The following CTNNA3 variants were observed in gnomAD, a reference collection of about 807,000 sequenced individuals.
The protein encoded by CTNNA3 is catenin alpha-3.
Under a neutral mutation model 95.7 loss-of-function variants are expected in CTNNA3, and 76 were observed. The observed-to-expected ratio is 0.79, with a 90% CI of 0.66 to 0.96. CTNNA3 has a LOEUF of 0.96. Among genes scored for constraint, CTNNA3 ranks in the 40% least tolerant of loss-of-function variants. The pLI is 0.00. For synonymous variants in CTNNA3, 431 were observed against 374.4 expected (o/e 1.15, Z -1.74); for missense variants, 1,191 against 1,089.8 (o/e 1.09, Z -1.31).
chr10:67,588,564 G>A (rs558017426), intron 3 of CTNNA3, among the ~76,000 whole-genome samples: 222 of 152,048 alleles, frequency 1.5e-3, no homozygotes, highest in Non-Finnish European at 2.3e-3. Flanking sequence ...TGGACCTGTC[G>A]TCAGGCTTTA....
intron 14 of CTNNA3, chr10:66,079,263 T>C (rs1056158698): frequency 2.2e-4 from 34 of 151,954 alleles, no homozygotes; most frequent in African/African-American, 7.7e-4. Flanking sequence ...TCAAACAGTT[T>C]AAAAGATCCC....
At chr10:66,978,960 C>CTTT (rs34112681) in intron 7 of CTNNA3, among the ~76,000 whole-genome samples, 138 of 83,776 alleles carry the variant, frequency 1.6e-3, no homozygotes, top group African/African-American at 3.2e-3. Flanking sequence ...TACTTATTTC[C>CTTT]TTTTTTTTTT....
intron 5 of CTNNA3, among the ~76,000 whole-genome samples, chr10:67,443,911 AG>A (rs1467948470): frequency 6.6e-6 from 1 of 152,132 alleles, no homozygotes; most frequent in African/African-American, 2.4e-5. Context: ...GTTTTCTTCT[AG>A]GGTTTTTATG....
chr10:66,315,506 T>TTGTGTGTG (rs58802869), intron 12 of CTNNA3, among the ~76,000 whole-genome samples: 9 of 149,696 alleles, frequency 6.0e-5, no homozygotes, highest in African/African-American at 2.2e-4. Context: ...CTGACTTCTC[T>TTGTGTGTG]TGTGTGTGTG....
At chr10:65,986,733 A>G (rs886834023) in intron 16 of CTNNA3, among the ~76,000 whole-genome samples, 7 of 151,808 alleles carry the variant, frequency 4.6e-5, no homozygotes, top group Non-Finnish European at 8.8e-5. Context: ...ATAGAACCAC[A>G]AAAGACCCTG....
chr10:67,390,508 C>T (rs1469295751), intron 5 of CTNNA3, among the ~76,000 whole-genome samples: 2 of 151,986 alleles, frequency 1.3e-5, no homozygotes, highest in Non-Finnish European at 1.5e-5. Flanking sequence ...CCTACTGAAA[C>T]TATTCCAATC....
intron 5 of CTNNA3, among the ~76,000 whole-genome samples, chr10:67,437,039 AC>A (rs1297263919): frequency 2.6e-5 from 4 of 152,226 alleles, no homozygotes; most frequent in Non-Finnish European, 5.9e-5. Flanking sequence ...TTACAGCAGC[AC>A]AATTCACAAC....
intron 11 of CTNNA3, among the ~76,000 whole-genome samples, chr10:66,387,738 A>T (rs987946007): frequency 1.6e-4 from 24 of 152,310 alleles, no homozygotes; most frequent in Admixed American, 1.5e-3. Flanking sequence ...AATGTGGCAC[A>T]TATACACCAT....
At chr10:67,717,889 A>T (rs1841153731) in intron 1 of CTNNA3, among the ~76,000 whole-genome samples, 1 of 152,202 alleles carries the variant, frequency 6.6e-6, no homozygotes, top group South Asian at 2.1e-4. Flanking sequence ...ATAGCATTAA[A>T]TCTATAAATT....
intron 9 of CTNNA3, among the ~76,000 whole-genome samples, chr10:66,627,989 C>T (rs1021681685): frequency 4.6e-5 from 7 of 152,006 alleles, no homozygotes; most frequent in African/African-American, 1.7e-4. Flanking sequence ...TTTCAGATGC[C>T]CAGGATCCAT....
At chr10:66,948,265 G>T (rs933326869) in intron 7 of CTNNA3, among the ~76,000 whole-genome samples, 5 of 152,118 alleles carry the variant, frequency 3.3e-5, no homozygotes, top group Admixed American at 6.6e-5. Context: ...TTGAGGCATC[G>T]TATAACATAG....
intron 7 of CTNNA3, among the ~76,000 whole-genome samples, chr10:66,978,180 GATGA>G (rs1564808164): frequency 6.6e-6 from 1 of 151,914 alleles, no homozygotes; most frequent in African/African-American, 2.4e-5. Flanking sequence ...AGTTATGCAA[GATGA>G]ATAAGTTCTA....
intron 5 of CTNNA3, among the ~76,000 whole-genome samples, chr10:67,406,133 GA>G (rs1845130257): frequency 6.6e-6 from 1 of 152,152 alleles, no homozygotes; most frequent in Non-Finnish European, 1.5e-5. Context: ...GCCACCTTGT[GA>G]AAAAGAACAT....
intron 7 of CTNNA3, among the ~76,000 whole-genome samples, chr10:67,178,154 C>A (rs986919888): frequency 4.6e-5 from 7 of 152,124 alleles, no homozygotes; most frequent in African/African-American, 1.7e-4. Context: ...TGATTACTGC[C>A]ACCCTTTATT....
intron 7 of CTNNA3, among the ~76,000 whole-genome samples, chr10:67,045,160 A>G (rs1191300832): frequency 6.6e-6 from 1 of 152,240 alleles, no homozygotes; most frequent in East Asian, 1.9e-4. Flanking sequence ...GCATACAACA[A>G]AATACAAAAT....
chr10:66,474,210 T>C (rs1346366562), intron 11 of CTNNA3, among the ~76,000 whole-genome samples: 1 of 152,018 alleles, frequency 6.6e-6, no homozygotes, highest in Admixed American at 6.6e-5. Flanking sequence ...AACGTCTCTT[T>C]ATTGATTCCT....
chr10:66,836,930 C>G (rs569159287), intron 7 of CTNNA3, among the ~76,000 whole-genome samples: 1 of 152,186 alleles, frequency 6.6e-6, no homozygotes, highest in African/African-American at 2.4e-5. Flanking sequence ...CCACAACTGG[C>G]CAATCATCCA....
intron 5 of CTNNA3, among the ~76,000 whole-genome samples, chr10:67,249,554 G>T (rs1296518512): frequency 6.9e-6 from 1 of 144,214 alleles, no homozygotes; most frequent in Non-Finnish European, 1.5e-5. Context: ...ATAAACAAGG[G>T]TTAACTTTCT....
In CTNNA3 at chr10:65,966,704, C is replaced by T; in HGVS notation, c.2308G>A (p.Glu770Lys). 1 of 1,613,252 alleles carries T rather than the reference C, an allele frequency of 6.2e-7. No individual in the cohort carries two copies. The highest frequency in any genetic ancestry group is 8.5e-7 in the Non-Finnish European group (1 of 1,179,446). The change falls in exon 17 of 18, where the codon GAA becomes AAA. Residue 770 changes from glutamate to lysine, a missense_variant. Transcript: ENST00000433211. Reference protein sequence around the residue: ...SCKQDLLAYLEQIKFYSHQLK... With the variant: ...SCKQDLLAYLKQIKFYSHQLK... The stretch of plus-strand genomic sequence containing the variant: ...TGGTGGGAGTAGAACTTAATCTGTT[C>T]CAGGTAGGCCAACAAGTCCTGTTTA...
Sources: gnomAD v4.1 joint callset for allele counts (sites outside exome capture counted in the v4.1 genomes callset) on GRCh38, gnomAD v4.1.1 for gene constraint, MANE v1.5 for transcripts, NCBI Gene and HGNC (gene_info 2026-07-23, HGNC 2026-07-21) for gene names.